The following ADAMTS6 variants were observed in gnomAD, a reference collection of about 807,000 sequenced individuals.
ADAMTS6 encodes the protein ADAM metallopeptidase with thrombospondin type 1 motif 6, also known as A disintegrin and metalloproteinase with thrombospondin motifs 6.
ADAMTS6 carries 23 observed loss-of-function variants against 144.3 expected under a neutral mutation model. That is an observed-to-expected ratio of 0.16 (90% CI 0.11 to 0.23). The LOEUF (loss-of-function observed/expected upper bound fraction) is 0.23, where lower values mean the gene tolerates loss of function less well. Among genes scored for constraint, ADAMTS6 ranks in the 10% least tolerant of loss-of-function variants. ADAMTS6 has a pLI of 1.00. For synonymous variants in ADAMTS6, 444 were observed against 457.5 expected, an observed-to-expected ratio of 0.97 and a Z score of 0.38; for missense variants, 999 against 1,379.6, an observed-to-expected ratio of 0.72 and a Z score of 4.37.
intron 7 of ADAMTS6, among the ~76,000 whole-genome samples, chr5:65,404,729 C>A (rs180939792): frequency 1.3e-5 from 2 of 152,340 alleles, no homozygotes; most frequent in East Asian, 3.9e-4. Context: ...ACACTGCCTT[C>A]CACAATGGTT....
intron 15 of ADAMTS6, 97 bp from the exon 16 acceptor site, chr5:65,226,316 T>C (rs1318750773): frequency 1.2e-5 from 15 of 1,281,554 alleles, no homozygotes; most frequent in Non-Finnish European, 1.5e-5. Context: ...CACGTAGACA[T>C]CATTCCCTGC....
chr5:65,432,990 T>G (rs1757108880), intron 7 of ADAMTS6, among the ~76,000 whole-genome samples: 1 of 152,128 alleles, frequency 6.6e-6, no homozygotes, highest in Admixed American at 6.6e-5. Context: ...ACCCACTCTT[T>G]CCCCTCTAAA....
chr5:65,368,254 A>G (rs1580508119), intron 7 of ADAMTS6, among the ~76,000 whole-genome samples: 1 of 152,348 alleles, frequency 6.6e-6, no homozygotes, highest in East Asian at 1.9e-4. Context: ...TATTTAAATG[A>G]TCATTTCACC....
At chr5:65,272,239 T>C (rs1353188286) in intron 12 of ADAMTS6, among the ~76,000 whole-genome samples, 1 of 152,244 alleles carries the variant, frequency 6.6e-6, no homozygotes, top group East Asian at 1.9e-4. Context: ...GTAATAGTTA[T>C]TGCAAATTCA....
At chr5:65,437,303 C>G (rs1277324983) in intron 7 of ADAMTS6, among the ~76,000 whole-genome samples, 5 of 152,068 alleles carry the variant, frequency 3.3e-5, no homozygotes, top group African/African-American at 9.7e-5. Context: ...ACCACGTTAG[C>G]TAGGATGGTC....
intron 7 of ADAMTS6, among the ~76,000 whole-genome samples, chr5:65,392,164 T>C (rs1006018398): frequency 6.6e-6 from 1 of 152,206 alleles, no homozygotes. Flanking sequence ...TCTGGAGAAA[T>C]ACCAGATCTA....
chr5:65,223,801 A>ATTT (rs774556245), intron 18 of ADAMTS6, among the ~76,000 whole-genome samples: 2 of 137,902 alleles, frequency 1.5e-5, no homozygotes, highest in African/African-American at 2.7e-5. Flanking sequence ...TGAGATAGTG[A>ATTT]TTTTTTTTTT....
At position 65,333,997 on chromosome 5, in the gene ADAMTS6, T is replaced by TAAAA. The variant is rs750637450; in HGVS notation, c.1117+41_1117+44dup. The TAAAA allele has an allele frequency of 4.4e-3, 3,701 of 839,290 alleles. 11 individuals are homozygous for TAAAA. The highest frequency in any genetic ancestry group is 0.011 in the African/African-American group (334 of 29,748). The allele number at this position is 839,290 out of a possible 1,614,324, so 52.0% of individuals were successfully genotyped here. A position where few individuals can be genotyped will look rare whatever the true frequency, so the allele number is the denominator to read the frequency against. ...ACAATCAGAACCATTCTACCTTTAT[T>TAAAA]AAAAAAAAAAAAAAAAAAAAAAAAA... On this transcript the variant is annotated intron_variant, in intron 8 of 24. Coordinates refer to ENST00000381055, the MANE Select transcript of ADAMTS6 (RefSeq NM_197941.4).
chr5:65,333,228 T>G (rs1425216053), intron 8 of ADAMTS6, among the ~76,000 whole-genome samples: 1 of 151,918 alleles, frequency 6.6e-6, no homozygotes, highest in Non-Finnish European at 1.5e-5. Flanking sequence ...CTTAAAAAAT[T>G]GAGAAAAAAA....
At chr5:65,405,584 C>T (rs1754389361) in intron 7 of ADAMTS6, among the ~76,000 whole-genome samples, 1 of 152,244 alleles carries the variant, frequency 6.6e-6, no homozygotes, top group African/African-American at 2.4e-5. Flanking sequence ...TAGTGTGATG[C>T]CTCCAGCTTT....
At chr5:65,357,177 A>G (rs983205144) in intron 7 of ADAMTS6, among the ~76,000 whole-genome samples, 4 of 151,940 alleles carry the variant, frequency 2.6e-5, no homozygotes, top group African/African-American at 9.7e-5. Flanking sequence ...AAATTCACAA[A>G]TATGTGGAAA....
rs1463338849 is a variant in ADAMTS6 at position 65,432,122 on chromosome 5, T to C, written c.1073+19353A>G. ...AACTTATGAAATAAGAATAAAATTT[T>C]TAAAGATGCTAGTTTTTGACAAATT... On this transcript the variant is annotated intron_variant, in intron 7 of 24. Transcript: ENST00000381055. Among the ~76,000 whole-genome samples the C allele has an allele frequency of 3.3e-5, 5 of 152,046 alleles. No individual in the cohort carries two copies. In the East Asian group the frequency reaches 9.6e-4, roughly 29 times the overall value.
chr5:65,338,042 T>G (rs1183047100), intron 7 of ADAMTS6, among the ~76,000 whole-genome samples: 1 of 152,226 alleles, frequency 6.6e-6, no homozygotes, highest in East Asian at 1.9e-4. Context: ...AACTTAGGCC[T>G]GTGATCCTAA....
chr5:65,319,254 T>C (rs1745300359), intron 9 of ADAMTS6, among the ~76,000 whole-genome samples: 2 of 152,132 alleles, frequency 1.3e-5, no homozygotes, highest in African/African-American at 4.8e-5. Context: ...TAAGTGCTAA[T>C]TTTATGAAAG....
intron 7 of ADAMTS6, among the ~76,000 whole-genome samples, chr5:65,367,102 C>T (rs955793835): frequency 6.6e-6 from 1 of 152,134 alleles, no homozygotes; most frequent in African/African-American, 2.4e-5. Flanking sequence ...TGGAGCTGTA[C>T]TGAAATGAAT....
At chr5:65,333,461 A>G (rs1459566361) in intron 8 of ADAMTS6, among the ~76,000 whole-genome samples, 1 of 152,058 alleles carries the variant, frequency 6.6e-6, no homozygotes, top group Non-Finnish European at 1.5e-5. Flanking sequence ...TGTGGCTATA[A>G]TATTTTATAA....
intron 7 of ADAMTS6, among the ~76,000 whole-genome samples, chr5:65,383,231 C>G (rs113195071): frequency 5.3e-5 from 8 of 152,250 alleles, no homozygotes; most frequent in African/African-American, 1.9e-4. Flanking sequence ...TACATTCCAT[C>G]CCAATAGTCC....
intron 7 of ADAMTS6, among the ~76,000 whole-genome samples, chr5:65,402,482 A>T (rs1754007527): frequency 6.6e-6 from 1 of 152,076 alleles, no homozygotes; most frequent in African/African-American, 2.4e-5. Flanking sequence ...ATTACTTCAT[A>T]CTTCTTCTCT....
At chr5:65,291,292 G>C in intron 11 of ADAMTS6, 37 bp downstream of exon 11, 1 of 1,588,660 alleles carries the variant, frequency 6.3e-7, no homozygotes, top group Non-Finnish European at 8.6e-7. Context: ...GGAAGAACAC[G>C]TATAAATGAC....
Sources: allele counts gnomAD v4.1 joint callset (sites outside exome capture counted in the v4.1 genomes callset), GRCh38; gene constraint gnomAD v4.1.1; transcripts MANE v1.5; gene names NCBI Gene and HGNC (gene_info 2026-07-23, HGNC 2026-07-21).